The following TMEM45B variants were observed in gnomAD, a reference collection of about 807,000 sequenced individuals.
The protein encoded by TMEM45B is transmembrane protein 45B.
A neutral mutation model predicts 27.3 loss-of-function variants in TMEM45B; 29 were observed. The observed-to-expected ratio is 1.06, with a 90% confidence interval of 0.79 to 1.45. TMEM45B has a LOEUF of 1.45. Ranked by LOEUF, TMEM45B falls within the 40% of genes most tolerant of loss-of-function variation. TMEM45B has a pLI of 0.00. For synonymous variants in TMEM45B, 143 were observed against 134.7 expected (o/e 1.06, Z -0.43); for missense variants, 348 against 343.9 (o/e 1.01, Z -0.09).
At chr11:129,825,337 T>C (rs769740021) in intron 1 of TMEM45B, among the ~76,000 whole-genome samples, 31 of 152,144 alleles carry the variant, frequency 2.0e-4, no homozygotes, top group Non-Finnish European at 2.5e-4. Flanking sequence ...TCTGGCTTTC[T>C]GGGTGACTGG....
chr11:129,816,383 C>T (rs1947351441), intron 1 of TMEM45B, among the ~76,000 whole-genome samples: 1 of 152,118 alleles, frequency 6.6e-6, no homozygotes, highest in Admixed American at 6.5e-5. Context: ...CTGGTACCGA[C>T]TGCCTTTCCT....
chr11:129,837,922 CAG>C (rs1481716288), intron 1 of TMEM45B, among the ~76,000 whole-genome samples: 2 of 151,516 alleles, frequency 1.3e-5, no homozygotes, highest in East Asian at 3.9e-4. Context: ...GCTGGGACTA[CAG>C]GTGCCCGCCA....
intron 2 of TMEM45B, among the ~76,000 whole-genome samples, chr11:129,853,681 G>A (rs1947880467): frequency 6.6e-6 from 1 of 151,846 alleles, no homozygotes; most frequent in African/African-American, 2.4e-5. Context: ...AGGCATAGGA[G>A]ATACACTGGG....
At chr11:129,831,040 T>G (rs1947540822) in intron 1 of TMEM45B, among the ~76,000 whole-genome samples, 1 of 152,230 alleles carries the variant, frequency 6.6e-6, no homozygotes, top group Non-Finnish European at 1.5e-5. Flanking sequence ...ATATACACTA[T>G]ATTTTTTCCT....
At chr11:129,828,238 CA>C (rs1473563977) in intron 1 of TMEM45B, 1 of 152,156 alleles carries the variant, frequency 6.6e-6, no homozygotes, top group African/African-American at 2.4e-5. Flanking sequence ...GCTCAGGAAC[CA>C]AAACGAGCTG....
At chr11:129,837,990 C>T (rs1947645559) in intron 1 of TMEM45B, among the ~76,000 whole-genome samples, 1 of 151,970 alleles carries the variant, frequency 6.6e-6, no homozygotes, top group Admixed American at 6.6e-5. Context: ...CCATGTTGGC[C>T]AGCCTGGTCT....
chr11:129,847,599 A>G (rs1350740142), intron 1 of TMEM45B, among the ~76,000 whole-genome samples: 2 of 150,888 alleles, frequency 1.3e-5, no homozygotes, highest in Non-Finnish European at 3.0e-5. Context: ...CTTAACGAGC[A>G]TGCTGCCTTC....
At chr11:129,816,727 CA>C (rs1266513578) in intron 1 of TMEM45B, among the ~76,000 whole-genome samples, 1 of 140,082 alleles carries the variant, frequency 7.1e-6, no homozygotes, top group African/African-American at 2.6e-5. Flanking sequence ...CAGAAATGGC[CA>C]CTTCTTTTTT....
chr11:129,852,748 T>A, intron 2 of TMEM45B, 88 bp downstream of exon 2: 2 of 1,420,680 alleles, frequency 1.4e-6, no homozygotes, highest in Non-Finnish European at 1.9e-6. Context: ...AAATAGATGT[T>A]CCCACTGGCA....
chr11:129,817,067 GT>G (rs899339832), intron 1 of TMEM45B, among the ~76,000 whole-genome samples: 6 of 152,092 alleles, frequency 3.9e-5, no homozygotes, highest in Non-Finnish European at 8.8e-5. Context: ...CTTCTTTCAC[GT>G]TCTCTTCGAC....
intron 5 of TMEM45B, among the ~76,000 whole-genome samples, chr11:129,857,919 G>A (rs573509477): frequency 6.6e-6 from 1 of 152,274 alleles, no homozygotes; most frequent in South Asian, 2.1e-4. Flanking sequence ...GAGGTATACA[G>A]ATAACAGCTA....
At chr11:129,819,863 T>G (rs1480116786) in intron 1 of TMEM45B, among the ~76,000 whole-genome samples, 6 of 152,054 alleles carry the variant, frequency 3.9e-5, no homozygotes, top group Non-Finnish European at 8.8e-5. Flanking sequence ...CTGTCCTTCT[T>G]TATAATAAAT....
intron 1 of TMEM45B, among the ~76,000 whole-genome samples, chr11:129,852,052 T>C (rs1314209602): frequency 6.6e-6 from 1 of 152,252 alleles, no homozygotes; most frequent in East Asian, 1.9e-4. Flanking sequence ...TCTAATGTAA[T>C]AGCCAACTGC....
chr11:129,856,872 TA>T (rs371996511), intron 4 of TMEM45B, among the ~76,000 whole-genome samples: 31,172 of 140,892 alleles, frequency 0.22, 4,328 homozygotes, highest in African/African-American at 0.42. Context: ...TTTTTTTTTT[TA>T]AGACAGTCTC....
chr11:129,827,163 C>T (rs1221585722), intron 1 of TMEM45B: 1 of 152,254 alleles, frequency 6.6e-6, no homozygotes, highest in Non-Finnish European at 1.5e-5. Context: ...GCTACCAGTA[C>T]GTCCCAGGAC....
chr11:129,836,335 T>A (rs1947619631), intron 1 of TMEM45B, among the ~76,000 whole-genome samples: 1 of 152,124 alleles, frequency 6.6e-6, no homozygotes, highest in Admixed American at 6.5e-5. Context: ...ATCTCACCCA[T>A]ACCTGGTTTA....
chr11:129,855,674 G>A (rs368057077), intron 3 of TMEM45B, 34 bp from the exon 4 acceptor site: 439 of 1,612,316 alleles, frequency 2.7e-4, no homozygotes, highest in Non-Finnish European at 3.3e-4. Context: ...AAAGCCAAGC[G>A]TAGCCCTGAC....
At chr11:129,856,533 A>G (rs1346296081) in intron 4 of TMEM45B, among the ~76,000 whole-genome samples, 2 of 148,446 alleles carry the variant, frequency 1.3e-5, no homozygotes, top group Non-Finnish European at 3.0e-5. Context: ...GTAAGCCTAT[A>G]CAACCAAAAT....
intron 1 of TMEM45B, among the ~76,000 whole-genome samples, chr11:129,836,521 A>C (rs1947622025): frequency 6.6e-6 from 1 of 152,190 alleles, no homozygotes; most frequent in East Asian, 1.9e-4. Context: ...CAAATGTTGA[A>C]GTCTTATCTC....
Sources: allele counts gnomAD v4.1 joint callset (sites outside exome capture counted in the v4.1 genomes callset), GRCh38; gene constraint gnomAD v4.1.1; transcripts MANE v1.5; gene names NCBI Gene and HGNC (gene_info 2026-07-23, HGNC 2026-07-21).